The following SZT2 variants were observed in gnomAD, a reference collection of about 807,000 sequenced individuals.
SZT2 encodes the protein KICSTOR complex protein SZT2.
SZT2 carries 216 observed loss-of-function variants against 404.2 expected under a neutral mutation model. The observed-to-expected ratio is 0.53, with a 90% CI of 0.48 to 0.60. The LOEUF (loss-of-function observed/expected upper bound fraction) is 0.60, where lower values mean the gene tolerates loss of function less well. SZT2 is among the 20% of genes least tolerant of loss of function. The pLI, the probability that SZT2 is intolerant of heterozygous loss-of-function variation, is 0.00. For missense variants in SZT2, 3,857 were observed against 4,459.2 expected (o/e 0.86, Z 3.85); for synonymous variants, 1,693 against 1,749.9 (o/e 0.97, Z 0.81).
Position 43,453,854 on chromosome 1 carries a change from C to T in SZT2, c.*3374C>T, listed in dbSNP as rs2153939121. ...TCCAAAGGCGGCGGGCGGCGGGCGG[C>T]GGGCGGCGGGCGGGGGCGGGGCTCT... On this transcript the variant is annotated 3_prime_UTR_variant, in exon 72 of 72. Coordinates refer to ENST00000634258, the MANE Select transcript of SZT2 (RefSeq NM_001365999.1). 3.3e-6 allele frequency: 3 copies of T among 921,664 alleles called. No individual in the cohort carries two copies. Among genetic ancestry groups the T allele is most frequent in the African/African-American group, 3.5e-5 (2 of 57,522 alleles). 57.1% of individuals were successfully genotyped at this position (921,664 alleles called of 1,614,324 possible).
rs778105730 is a variant in SZT2 at position 43,448,307 on chromosome 1, G to C, written c.9792G>C (p.Gln3264His). Reference protein sequence around the residue: ...EVGMARARLAQLVRLAGGHCR... With the variant: ...EVGMARARLAHLVRLAGGHCR... Reference sequence around the variant, plus strand: ...GCATGGCACGAGCACGGCTGGCTCAGCTGGTGCGGCTGGCTGGAGGGCACT... The same window carrying C: ...GCATGGCACGAGCACGGCTGGCTCACCTGGTGCGGCTGGCTGGAGGGCACT... The change falls in exon 69 of 72, where the codon CAG (glutamine) becomes CAC (histidine). Residue 3264 changes from glutamine to histidine, a missense_variant. Coordinates refer to ENST00000634258, the MANE Select transcript of SZT2 (RefSeq NM_001365999.1). This position sits in a 1 kb window ranked among gnomAD's most constrained non-coding sequence, Gnocchi z 4.2. 4 of 1,553,768 alleles carry C rather than the reference G, an allele frequency of 2.6e-6. No individual in the cohort carries two copies. The East Asian group carries it at 9.8e-5, about 38-fold the overall frequency.
chr1:43,429,913 C>T, intron 29 of SZT2, 69 bp downstream of exon 29: 2 of 1,612,304 alleles, frequency 1.2e-6, no homozygotes, highest in Admixed American at 3.3e-5. Context: ...GGATTCTCTC[C>T]TGGGCGGGGG....
At chr1:43,421,647 C>T (rs1457775404) in intron 11 of SZT2, among the ~76,000 whole-genome samples, 3 of 152,242 alleles carry the variant, frequency 2.0e-5, no homozygotes, top group Admixed American at 2.0e-4. Flanking sequence ...GTGCATCCAC[C>T]ACCAGCCACC....
rs1656624392 is a variant in SZT2 at position 43,453,149 on chromosome 1, G to T, written c.*2669G>T. The T allele has an allele frequency of 1.5e-6, 1 of 671,822 alleles. No homozygotes were observed. Among genetic ancestry groups the T allele is most frequent in the Admixed American group, 2.2e-5 (1 of 45,062 alleles). 41.6% of individuals were successfully genotyped at this position (671,822 alleles called of 1,614,324 possible). On this transcript the variant is annotated 3_prime_UTR_variant, in exon 72 of 72. Coordinates refer to ENST00000634258, the MANE Select transcript of SZT2 (RefSeq NM_001365999.1). ...ATATATTTACTCTCCTATCTGCCTA[G>T]GCAGACTGAGCTCCCAGCATGGGAT...
chr1:43,434,337 T>A lies in SZT2; in HGVS notation c.5805-49T>A, dbSNP rs1312865225. On this transcript the variant is annotated intron_variant, in intron 40 of 71. Coordinates refer to ENST00000634258, the MANE Select transcript of SZT2 (RefSeq NM_001365999.1). Reference sequence around the variant, plus strand: ...GTCATATACATATCATGCCATTACATATAACTCCTCCCCACTGCAGTTCTG... The same window carrying A: ...GTCATATACATATCATGCCATTACAAATAACTCCTCCCCACTGCAGTTCTG... The A allele has an allele frequency of 8.0e-6, 12 of 1,492,192 alleles. No homozygotes were observed. In the African/African-American group the frequency reaches 1.7e-4, roughly 21 times the overall value. The allele number at this position is 1,492,192 out of a possible 1,614,324, so 92.4% of individuals were successfully genotyped here.
chr1:43,447,747 G>C (rs1655856175), intron 67 of SZT2, 49 bp downstream of exon 67: 1 of 1,610,462 alleles, frequency 6.2e-7, no homozygotes, highest in Admixed American at 1.7e-5. Flanking sequence ...AGCTGGGGTT[G>C]GGACATACTT....
At position 43,454,153 on chromosome 1, in the gene SZT2, ACT is replaced by A. The variant is rs1350431075; in HGVS notation, c.*3674_*3675del. The A allele has an allele frequency of 3.0e-5, 13 of 438,332 alleles. No homozygotes were observed. The Admixed American group carries it at 6.5e-4, about 22-fold the overall frequency. 27.2% of individuals were successfully genotyped at this position (438,332 alleles called of 1,614,324 possible). A position where few individuals can be genotyped will look rare whatever the true frequency, so the allele number is the denominator to read the frequency against. ...GCAATGATGGGACGCGCACTTTAAT[ACT>A]GAGTCTTTCCTCTGATTATAAAAAT... is the stretch of plus-strand genomic sequence containing the variant. On this transcript the variant is annotated 3_prime_UTR_variant, in exon 72 of 72. Transcript: ENST00000634258.
chr1:43,431,554 A>G, intron 35 of SZT2, 31 bp downstream of exon 35: 6 of 1,613,042 alleles, frequency 3.7e-6, no homozygotes, highest in Non-Finnish European at 5.1e-6. Flanking sequence ...ACTGTAACTG[A>G]TTCCCTTTCC....
chr1:43,430,381 GAGA>G lies in SZT2; in HGVS notation c.4478_4480del (p.Glu1493del), dbSNP rs756243951. 9.3e-6 allele frequency: 15 copies of G among 1,608,574 alleles called. No individual in the cohort carries two copies. Among genetic ancestry groups the G allele is most frequent in the South Asian group, 4.4e-5 (4 of 90,526 alleles). On this transcript the variant is annotated inframe_deletion, in exon 31 of 72. Transcript: ENST00000634258. ...GAGTTTTCAGAGGCTGAGCTTATGG[GAGA>G]AGAAGGTATGTGGGCAAGTGAGTCA...
chr1:43,396,642 C>T (rs573220886), intron 1 of SZT2, among the ~76,000 whole-genome samples: 1 of 152,354 alleles, frequency 6.6e-6, no homozygotes, highest in South Asian at 2.1e-4. Context: ...GGTGCTTTCA[C>T]ACATCATTGG....
chr1:43,453,641 G>GGC lies in SZT2; in HGVS notation c.*3168_*3169dup. On this transcript the variant is annotated 3_prime_UTR_variant, in exon 72 of 72. Transcript: ENST00000634258. ...CAAGCCGCAGCCCCGCTTCTCGCGC[G>GGC]GCGCGCGCCAGCGCCTCAGGCGTCT... 2 of 1,491,924 alleles carry GGC rather than the reference G, an allele frequency of 1.3e-6. No individual in the cohort carries two copies. The highest frequency in any genetic ancestry group is 5.6e-5 in the East Asian group (2 of 35,552). 92.4% of individuals were successfully genotyped at this position (1,491,924 alleles called of 1,614,324 possible). A position where few individuals can be genotyped will look rare whatever the true frequency, so the allele number is the denominator to read the frequency against.
At chr1:43,392,210 G>A (rs1182029233) in intron 1 of SZT2, among the ~76,000 whole-genome samples, 1 of 150,770 alleles carries the variant, frequency 6.6e-6, no homozygotes, top group South Asian at 2.1e-4. Flanking sequence ...ACAAAACATC[G>A]TGAGATATTT....
intron 11 of SZT2, 97 bp from the exon 12 acceptor site, chr1:43,421,986 C>T (rs1464932358): frequency 3.7e-6 from 5 of 1,358,882 alleles, no homozygotes; most frequent in Admixed American, 4.3e-5. Flanking sequence ...GTCTCTGACT[C>T]TCTGAACGGA....
intron 4 of SZT2, among the ~76,000 whole-genome samples, chr1:43,408,048 G>A (rs1013279701): frequency 3.9e-5 from 6 of 151,962 alleles, no homozygotes; most frequent in Admixed American, 3.9e-4. Flanking sequence ...TGGCCAGGAT[G>A]GTCTTGATCT....
chr1:43,407,482 C>G (rs1650459067), intron 4 of SZT2, among the ~76,000 whole-genome samples: 1 of 151,772 alleles, frequency 6.6e-6, no homozygotes, highest in Non-Finnish European at 1.5e-5. Context: ...CGCCACTGTA[C>G]TCCAACCTGA....
chr1:43,447,158 C>T lies in SZT2; in HGVS notation c.9276C>T (p.His3092=). Residue 3092 remains histidine, a synonymous_variant, in exon 66 of 72, where the codon CAC becomes CAT. Transcript: ENST00000634258. The stretch of plus-strand genomic sequence containing the variant: ...ACGGACCCCACTTTGGCCGCAATCA[C>T]ATTTACCAAGGTCAGTGCCCAAGGG... ...HPDGPHFGRN[H]IYQGTLELPT... 6.2e-7 allele frequency: 1 copy of T among 1,611,966 alleles called. No homozygotes were observed.
Position 43,419,719 on chromosome 1 carries a change from G to A in SZT2, c.880-15G>A. 6.3e-7 allele frequency: 1 copy of A among 1,593,116 alleles called. No homozygotes were observed. Among genetic ancestry groups the A allele is most frequent in the Non-Finnish European group, 8.5e-7 (1 of 1,176,598 alleles). Reference sequence around the variant, plus strand: ...CTCTGTCAGAGCTAGGTCTTCAGTTGCTCACTTTTTCCAGGTGGGAGGAGT... The same window carrying A: ...CTCTGTCAGAGCTAGGTCTTCAGTTACTCACTTTTTCCAGGTGGGAGGAGT... On this transcript the variant is annotated splice_polypyrimidine_tract_variant and intron_variant, in intron 7 of 71. Coordinates refer to ENST00000634258, the MANE Select transcript of SZT2 (RefSeq NM_001365999.1).
At chr1:43,402,888 C>T (rs1649849257) in intron 1 of SZT2, among the ~76,000 whole-genome samples, 1 of 152,246 alleles carries the variant, frequency 6.6e-6, no homozygotes, top group Non-Finnish European at 1.5e-5. Flanking sequence ...ACAGCCCCTG[C>T]CCTCAAAAGC....
intron 4 of SZT2, among the ~76,000 whole-genome samples, chr1:43,408,456 G>A (rs1410450281): frequency 6.6e-6 from 1 of 151,874 alleles, no homozygotes; most frequent in Non-Finnish European, 1.5e-5. Flanking sequence ...TGTAGAGACA[G>A]GATCTTGTTA....
Sources: gnomAD v4.1 joint callset for allele counts (sites outside exome capture counted in the v4.1 genomes callset) on GRCh38, gnomAD v4.1.1 for gene constraint, Gnocchi (gnomAD v3.1) non-coding constraint, MANE v1.5 for transcripts, NCBI Gene and HGNC (gene_info 2026-07-23, HGNC 2026-07-21) for gene names.